The following TAF3 variants were observed in gnomAD, a reference collection of about 807,000 sequenced individuals.
TAF3 encodes TATA-box binding protein associated factor 3, also known as transcription initiation factor TFIID subunit 3.
Under a neutral mutation model 80.6 loss-of-function variants are expected in TAF3, and 7 were observed. That is an observed-to-expected ratio of 0.09 (90% confidence interval 0.05 to 0.16). The LOEUF is 0.16. Among genes scored for constraint, TAF3 ranks in the 10% least tolerant of loss-of-function variants. The pLI is 1.00. For missense variants in TAF3, 921 were observed against 1,140.2 expected (o/e 0.81, Z 2.77); for synonymous variants, 444 against 446.1 (o/e 1.00, Z 0.06).
chr10:7,902,777 G>A (rs570187618), intron 2 of TAF3, among the ~76,000 whole-genome samples: 67 of 152,204 alleles, frequency 4.4e-4, no homozygotes, highest in African/African-American at 1.5e-3. Flanking sequence ...GATGATTCTT[G>A]TCAGTTATTA....
intron 2 of TAF3, among the ~76,000 whole-genome samples, chr10:7,889,718 C>T (rs948119182): frequency 3.3e-5 from 5 of 152,192 alleles, no homozygotes; most frequent in Non-Finnish European, 5.9e-5. Flanking sequence ...TGGTCCTGTC[C>T]TATATCCCTA....
intron 4 of TAF3, among the ~76,000 whole-genome samples, chr10:7,996,674 T>G (rs1831890194): frequency 6.6e-6 from 1 of 151,936 alleles, no homozygotes; most frequent in African/African-American, 2.4e-5. Flanking sequence ...TATTCTTACG[T>G]TGAGGCAGGG....
intron 2 of TAF3, among the ~76,000 whole-genome samples, chr10:7,829,024 C>T (rs1430327162): frequency 3.4e-4 from 35 of 103,472 alleles, no homozygotes; most frequent in Admixed American, 3.0e-3. Context: ...AGTGAGACTC[C>T]GTCTCAAAAA....
rs1020998073 is a variant in TAF3, at chr10:7,841,068, C to T, written c.409+16508C>T. 2.0e-5 allele frequency among the ~76,000 whole-genome samples: 3 copies of T among 152,158 alleles called. No homozygotes were observed. In the South Asian group the frequency reaches 6.2e-4, roughly 31 times the overall value. ...GTTTCACCATGTTGGCCAGGCTGGTCTGGAACTCCTGACCTCAGGTGATCC... is the reference window on the plus strand; with the variant it reads ...GTTTCACCATGTTGGCCAGGCTGGTTTGGAACTCCTGACCTCAGGTGATCC... On this transcript the variant is annotated intron_variant, in intron 2 of 6. Transcript: ENST00000344293.
At chr10:7,829,771 G>C (rs1425266978) in intron 2 of TAF3, among the ~76,000 whole-genome samples, 5 of 152,112 alleles carry the variant, frequency 3.3e-5, no homozygotes, top group Admixed American at 2.6e-4. Context: ...TGTGCTCTTT[G>C]GAAAGAAGTC....
At chr10:7,998,122 T>A (rs1308302360) in intron 4 of TAF3, among the ~76,000 whole-genome samples, 1 of 151,654 alleles carries the variant, frequency 6.6e-6, no homozygotes, top group Non-Finnish European at 1.5e-5. Flanking sequence ...GTTACTTTAG[T>A]GCCTCTACAC....
chr10:7,926,983 G>A (rs982724940), intron 2 of TAF3, among the ~76,000 whole-genome samples: 1 of 152,140 alleles, frequency 6.6e-6, no homozygotes, highest in African/African-American at 2.4e-5. Flanking sequence ...AAAGATGAAA[G>A]TGGCCTACCA....
chr10:7,914,454 C>T (rs1040438873), intron 2 of TAF3, among the ~76,000 whole-genome samples: 2 of 152,138 alleles, frequency 1.3e-5, no homozygotes, highest in East Asian at 1.9e-4. Context: ...TATTTATTGT[C>T]TTTCTTACCT....
At chr10:7,991,026 A>G (rs1831828420) in intron 4 of TAF3, among the ~76,000 whole-genome samples, 1 of 152,234 alleles carries the variant, frequency 6.6e-6, no homozygotes. Flanking sequence ...CTTCAAGGTT[A>G]GGAGCTGCAG....
intron 2 of TAF3, among the ~76,000 whole-genome samples, chr10:7,898,314 A>C (rs1419098901): frequency 6.6e-6 from 1 of 152,112 alleles, no homozygotes; most frequent in South Asian, 2.1e-4. Context: ...TGGGAGGCCA[A>C]GGTGGGTGGA....
chr10:7,882,306 G>T (rs895607547), intron 2 of TAF3, among the ~76,000 whole-genome samples: 3 of 152,138 alleles, frequency 2.0e-5, no homozygotes, highest in Non-Finnish European at 2.9e-5. Context: ...ACATGTTTGT[G>T]CAAGACATAC....
chr10:7,941,409 T>C (rs1383583895), intron 2 of TAF3, among the ~76,000 whole-genome samples: 2 of 152,200 alleles, frequency 1.3e-5, no homozygotes, highest in Non-Finnish European at 2.9e-5. Context: ...TGGGGATTAT[T>C]TGTAACTGCA....
chr10:7,837,716 T>C (rs1836866657), intron 2 of TAF3, among the ~76,000 whole-genome samples: 1 of 152,176 alleles, frequency 6.6e-6, no homozygotes, highest in East Asian at 1.9e-4. Flanking sequence ...GTGTAAGTAC[T>C]CAGAGGCTGA....
chr10:7,917,467 C>G (rs980097319), intron 2 of TAF3, among the ~76,000 whole-genome samples: 2 of 152,168 alleles, frequency 1.3e-5, no homozygotes, highest in Non-Finnish European at 2.9e-5. Context: ...AACTGTGGAA[C>G]GGCCGATGGA....
At chr10:7,862,699 C>T (rs377472680) in intron 2 of TAF3, among the ~76,000 whole-genome samples, 16 of 152,284 alleles carry the variant, frequency 1.1e-4, no homozygotes, top group African/African-American at 3.6e-4. Context: ...CAGGGGGATC[C>T]CCAGGCAACC....
At chr10:8,002,984 A>G (rs1347041030) in intron 4 of TAF3, among the ~76,000 whole-genome samples, 1 of 152,028 alleles carries the variant, frequency 6.6e-6, no homozygotes, top group Non-Finnish European at 1.5e-5. Flanking sequence ...TTTGTGTGGT[A>G]TTACTTTTCT....
In TAF3 at chr10:7,980,649, T is replaced by C. The variant is rs184953499; in HGVS notation, c.2315+3326T>C. ...ACAGTCTCAACACCTAGAGACAACA[T>C]ATCCAAGTGAATTGCTGAAATATCT... On this transcript the variant is annotated intron_variant, in intron 4 of 6. Transcript: ENST00000344293. 3.4e-4 allele frequency among the ~76,000 whole-genome samples: 51 copies of C among 152,182 alleles called. 1 individual carries two copies. Among genetic ancestry groups the C allele is most frequent in the Admixed American group, 2.4e-3 (36 of 15,292 alleles).
At chr10:7,918,422 T>C (rs1837732586) in intron 2 of TAF3, among the ~76,000 whole-genome samples, 1 of 151,970 alleles carries the variant, frequency 6.6e-6, no homozygotes, top group Non-Finnish European at 1.5e-5. Flanking sequence ...TTGACCAGGA[T>C]TGGGACTGGG....
rs1045873509 is a variant in TAF3 at position 7,977,429 on chromosome 10, G to C, written c.2315+106G>C. The C allele has an allele frequency of 5.2e-6, 5 of 969,344 alleles. No individual in the cohort carries two copies. In the East Asian group the frequency reaches 1.2e-4, roughly 24 times the overall value. The allele number at this position is 969,344 out of a possible 1,614,324, so 60.0% of individuals were successfully genotyped here. A position where few individuals can be genotyped will look rare whatever the true frequency, so the allele number is the denominator to read the frequency against. ...ACAAGCTTCTCCCAGGTATGAACCTGTAGGGTCAAGCTTTATTTTTAGAAC... is the reference window on the plus strand; with the variant it reads ...ACAAGCTTCTCCCAGGTATGAACCTCTAGGGTCAAGCTTTATTTTTAGAAC... On this transcript the variant is annotated intron_variant, in intron 4 of 6. Coordinates refer to ENST00000344293, the MANE Select transcript of TAF3 (RefSeq NM_031923.4).
Sources: gnomAD v4.1 joint callset for allele counts (sites outside exome capture counted in the v4.1 genomes callset) on GRCh38, gnomAD v4.1.1 for gene constraint, MANE v1.5 for transcripts, NCBI Gene and HGNC (gene_info 2026-07-23, HGNC 2026-07-21) for gene names.